Variants in SHROOM3 observed in about 807,000 individuals in gnomAD.
SHROOM3 encodes protein Shroom3.
In SHROOM3, 47 loss-of-function variants were observed where a neutral mutation model predicts 138.6. The ratio of observed to expected loss-of-function variants is 0.34; its 90% CI spans 0.27 to 0.43. The LOEUF is 0.43. SHROOM3 is among the 20% of genes least tolerant of loss of function. The pLI, the probability that SHROOM3 is intolerant of heterozygous loss-of-function variation, is 1.00. For missense variants in SHROOM3, 2,491 were observed against 2,596.5 expected (o/e 0.96, Z 0.88); for synonymous variants, 1,062 against 1,063.3 (o/e 1.00, Z 0.02).
At chr4:76,535,373 T>C (rs1176543870) in intron 1 of SHROOM3, among the ~76,000 whole-genome samples, 2 of 152,210 alleles carry the variant, frequency 1.3e-5, no homozygotes, top group African/African-American at 4.8e-5. Context: ...ATATTTGATA[T>C]TTAACTTGGG....
intron 1 of SHROOM3, among the ~76,000 whole-genome samples, chr4:76,494,566 G>A (rs1731925664): frequency 6.6e-6 from 1 of 152,222 alleles, no homozygotes; most frequent in Non-Finnish European, 1.5e-5. Flanking sequence ...AAAGTAGCAA[G>A]AGAATGAACG....
intron 10 of SHROOM3, among the ~76,000 whole-genome samples, chr4:76,772,874 C>T (rs189871316): frequency 2.0e-5 from 3 of 152,138 alleles, no homozygotes; most frequent in Non-Finnish European, 2.9e-5. Flanking sequence ...GGTGGGGGAG[C>T]GTAAGGCAGG....
intron 1 of SHROOM3, among the ~76,000 whole-genome samples, chr4:76,521,628 C>T (rs570693648): frequency 1.2e-4 from 19 of 152,262 alleles, no homozygotes; most frequent in Admixed American, 4.6e-4. Context: ...GAAGTGGCGA[C>T]GGCAAAGTCA....
chr4:76,448,056 TTAAA>T (rs1406371288), intron 1 of SHROOM3, among the ~76,000 whole-genome samples: 2 of 152,090 alleles, frequency 1.3e-5, no homozygotes, highest in Admixed American at 1.3e-4. Context: ...TTATTTATAT[TTAAA>T]TAAATAAAAT....
Position 76,739,859 on chromosome 4 carries a change from G to T in SHROOM3, c.1686G>T (p.Val562=). ...CCTCCAAAGTCCATTTCTGTTCAGT[G>T]CCTGAAAATGAGGAGGATGCCTCCC... is the stretch of plus-strand genomic sequence containing the variant. The part of the protein sequence containing the change: ...YVPSKVHFCS[V]PENEEDASLK... Residue 562 remains valine (V), a synonymous_variant, in exon 5 of 11, where the codon GTG becomes GTT. Coordinates refer to ENST00000296043, the MANE Select transcript of SHROOM3 (RefSeq NM_020859.4). 6.2e-7 allele frequency: 1 copy of T among 1,614,200 alleles called. No individual in the cohort carries two copies. The highest frequency in any genetic ancestry group is 8.5e-7 in the Non-Finnish European group (1 of 1,180,044).
At chr4:76,648,532 C>T (rs905102899) in intron 2 of SHROOM3, among the ~76,000 whole-genome samples, 6 of 151,830 alleles carry the variant, frequency 4.0e-5, no homozygotes, top group Admixed American at 6.6e-5. Context: ...GCCTCCTCCT[C>T]GGCCCACCCT....
In SHROOM3 at chr4:76,646,225, A is replaced by AATATATATATATAT. The variant is rs371944513; in HGVS notation, c.324-63921_324-63908dup. Among the ~76,000 whole-genome samples, 36 of 96,242 alleles carry AATATATATATATAT rather than the reference A, an allele frequency of 3.7e-4. 1 individual carries two copies. The highest frequency in any genetic ancestry group is 1.1e-3 in the Admixed American group (10 of 9,284). 63.1% of individuals were successfully genotyped at this position (96,242 alleles called of 152,430 possible). A position where few individuals can be genotyped will look rare whatever the true frequency, so the allele number is the denominator to read the frequency against. On this transcript the variant is annotated intron_variant, in intron 2 of 10. Transcript: ENST00000296043. ...CCTAGAACTTAAAGTATAATAAATA[A>AATATATATATATAT]ATATATATATATATATATATATAAA... is the stretch of plus-strand genomic sequence containing the variant.
intron 6 of SHROOM3, among the ~76,000 whole-genome samples, chr4:76,751,666 G>C (rs1338194480): frequency 6.6e-6 from 1 of 152,140 alleles, no homozygotes; most frequent in Non-Finnish European, 1.5e-5. Context: ...AAAAGACTTA[G>C]ACATTTATCC....
intron 2 of SHROOM3, among the ~76,000 whole-genome samples, chr4:76,578,025 C>G (rs1733975037): frequency 6.6e-6 from 1 of 151,952 alleles, no homozygotes; most frequent in Admixed American, 6.6e-5. Context: ...CTCCACCAAT[C>G]CTTATAATGT....
At chr4:76,696,943 G>T (rs1157464822) in intron 2 of SHROOM3, among the ~76,000 whole-genome samples, 1 of 151,912 alleles carries the variant, frequency 6.6e-6, no homozygotes, top group African/African-American at 2.4e-5. Flanking sequence ...TAAGAGACAG[G>T]GTCTTGTTCT....
chr4:76,491,466 G>A (rs1731848038), intron 1 of SHROOM3, among the ~76,000 whole-genome samples: 1 of 152,180 alleles, frequency 6.6e-6, no homozygotes, highest in African/African-American at 2.4e-5. Context: ...AGACTCCCTT[G>A]CATGTGACTG....
intron 2 of SHROOM3, among the ~76,000 whole-genome samples, chr4:76,650,238 G>A (rs1369173045): frequency 6.6e-6 from 1 of 152,242 alleles, no homozygotes; most frequent in East Asian, 1.9e-4. Flanking sequence ...ACTACAATGA[G>A]ATATCTCACC....
intron 2 of SHROOM3, among the ~76,000 whole-genome samples, chr4:76,581,678 T>A (rs927855316): frequency 2.0e-5 from 3 of 152,226 alleles, no homozygotes; most frequent in Non-Finnish European, 4.4e-5. Flanking sequence ...TCAGACATAC[T>A]TGGAGTTCAA....
chr4:76,726,407 T>C (rs2110126107), intron 3 of SHROOM3, among the ~76,000 whole-genome samples: 1 of 152,088 alleles, frequency 6.6e-6, no homozygotes, highest in East Asian at 1.9e-4. Context: ...TAAATTTCTA[T>C]ATGCAGCCCA....
At chr4:76,667,295 C>T (rs1377130607) in intron 2 of SHROOM3, among the ~76,000 whole-genome samples, 2 of 152,070 alleles carry the variant, frequency 1.3e-5, no homozygotes, top group African/African-American at 2.4e-5. Flanking sequence ...GTTCACTTTA[C>T]ATTATGTAGG....
In SHROOM3 at chr4:76,600,672, T is replaced by A. The variant is rs537256983; in HGVS notation, c.323+44909T>A. On this transcript the variant is annotated intron_variant, in intron 2 of 10. Coordinates refer to ENST00000296043, the MANE Select transcript of SHROOM3 (RefSeq NM_020859.4). ...GGTCATTGCTCTGGAATGTTCCTGA[T>A]GGTGCTGCCAGTTTTCATTGCCCAT... Among the ~76,000 whole-genome samples, 25 of 152,348 alleles carry A rather than the reference T, an allele frequency of 1.6e-4. No individual in the cohort carries two copies. In the South Asian group the frequency reaches 5.2e-3, roughly 32 times the overall value.
chr4:76,781,863 A>C lies in SHROOM3; in HGVS notation c.*2686A>C, dbSNP rs1722743735. ...AACAGTAAGGAGCATGTTGTTGGTC[A>C]GGGTTTCAGAATACGCGTGATGTCA... On this transcript the variant is annotated 3_prime_UTR_variant, in exon 11 of 11. Coordinates refer to ENST00000296043, the MANE Select transcript of SHROOM3 (RefSeq NM_020859.4). 1 of 152,252 alleles carries C rather than the reference A, an allele frequency of 6.6e-6. No homozygotes were observed. Among genetic ancestry groups the C allele is most frequent in the South Asian group, 2.1e-4 (1 of 4,830 alleles). The allele number at this position is 152,252 out of a possible 1,614,324, so 9.4% of individuals were successfully genotyped here.
intron 2 of SHROOM3, among the ~76,000 whole-genome samples, chr4:76,694,270 CA>C (rs1465131524): frequency 6.6e-6 from 1 of 152,164 alleles, no homozygotes; most frequent in Non-Finnish European, 1.5e-5. Context: ...CTCAAGGGTT[CA>C]TAGACACTCC....
chr4:76,460,499 C>T (rs1009815802), intron 1 of SHROOM3, among the ~76,000 whole-genome samples: 2 of 152,180 alleles, frequency 1.3e-5, no homozygotes, highest in East Asian at 1.9e-4. Flanking sequence ...AACAAAATGC[C>T]GCAGACTGGG....
Sources: gnomAD v4.1 joint callset for allele counts (sites outside exome capture counted in the v4.1 genomes callset) on GRCh38, gnomAD v4.1.1 for gene constraint, MANE v1.5 for transcripts, NCBI Gene and HGNC (gene_info 2026-07-23, HGNC 2026-07-21) for gene names.